Variants in ARSB observed in about 807,000 individuals in gnomAD.
ARSB encodes the protein arylsulfatase B.
ARSB carries 41 observed loss-of-function variants against 50.9 expected under a neutral mutation model. That is an observed-to-expected ratio of 0.81 (90% CI 0.63 to 1.04). The LOEUF is 1.04. Ranked by LOEUF, ARSB falls within the 50% of genes least tolerant of loss-of-function variation. The pLI is 0.00. For synonymous variants in ARSB, 269 were observed against 284.8 expected (o/e 0.94, Z 0.56); for missense variants, 672 against 693.3 (o/e 0.97, Z 0.35).
intron 6 of ARSB, among the ~76,000 whole-genome samples, chr5:78,785,855 A>G (rs920545751): frequency 6.6e-6 from 1 of 152,224 alleles, no homozygotes; most frequent in African/African-American, 2.4e-5. Flanking sequence ...ATGAGTTCAT[A>G]AATGCAAGGA....
rs1271212818 is a variant in ARSB, at chr5:78,985,013, C to T, written c.236G>A (p.Gly79Glu). 2 of 1,539,052 alleles carry T rather than the reference C, an allele frequency of 1.3e-6. No homozygotes were observed. The highest frequency in any genetic ancestry group is 1.4e-5 in the African/African-American group (1 of 70,124). Residue 79 changes from glycine (G) to glutamate (E), a missense_variant, in exon 1 of 8, where the codon GGG becomes GAG. Coordinates refer to ENST00000264914, the MANE Select transcript of ARSB (RefSeq NM_000046.5). ...TPHLDALAAGGVLLDNYYTQP... is the reference protein window; with the variant it reads ...TPHLDALAAGEVLLDNYYTQP... ...CGTGTAGTAGTTGTCCAGGAGCACCCCGCCGGCCGCCAGCGCGTCCAGGTG... is the reference window on the plus strand; with the variant it reads ...CGTGTAGTAGTTGTCCAGGAGCACCTCGCCGGCCGCCAGCGCGTCCAGGTG...
At chr5:78,828,800 C>T (rs986266625) in intron 6 of ARSB, among the ~76,000 whole-genome samples, 7 of 152,122 alleles carry the variant, frequency 4.6e-5, no homozygotes, top group East Asian at 3.9e-4. Context: ...TTAGGTTACA[C>T]GGCAAAGGGG....
At chr5:78,859,159 C>G (rs750755327) in intron 5 of ARSB, among the ~76,000 whole-genome samples, 2 of 152,020 alleles carry the variant, frequency 1.3e-5, no homozygotes, top group Non-Finnish European at 2.9e-5. Context: ...TCCTGAAAAG[C>G]CATTTCAACA....
At chr5:78,930,619 C>A (rs1750279602) in intron 4 of ARSB, among the ~76,000 whole-genome samples, 1 of 152,144 alleles carries the variant, frequency 6.6e-6, no homozygotes. Flanking sequence ...AATATTTTCT[C>A]ATTAAGAAAA....
Position 78,962,621 on chromosome 5 carries a change from G to A in ARSB, c.690+1795C>T, listed in dbSNP as rs139591626. On this transcript the variant is annotated intron_variant, in intron 3 of 7. Transcript: ENST00000264914. ...CGGCTCACTGCAAGCTCCGCCTCCC[G>A]GGTTCACGCCATTCTCCTGCCTCAA... Among the ~76,000 whole-genome samples the A allele has an allele frequency of 5.3e-4, 77 of 144,992 alleles. No homozygotes were observed. In the East Asian group the frequency reaches 0.012, roughly 22 times the overall value.
At chr5:78,915,320 A>T (rs1192375662) in intron 4 of ARSB, among the ~76,000 whole-genome samples, 1 of 151,732 alleles carries the variant, frequency 6.6e-6, no homozygotes, top group Non-Finnish European at 1.5e-5. Flanking sequence ...ATCAGTCATG[A>T]CCTTAGGACC....
chr5:78,853,668 C>T (rs1244861250), intron 5 of ARSB, among the ~76,000 whole-genome samples: 1 of 152,224 alleles, frequency 6.6e-6, no homozygotes, highest in Non-Finnish European at 1.5e-5. Context: ...AGAGGTGGAG[C>T]CTACAGAGGC....
chr5:78,834,084 T>C (rs1744818490), intron 6 of ARSB, among the ~76,000 whole-genome samples: 1 of 152,210 alleles, frequency 6.6e-6, no homozygotes, highest in African/African-American at 2.4e-5. Context: ...CATTAGCAGA[T>C]ATTTACTGAT....
chr5:78,918,972 T>C (rs1180833228), intron 4 of ARSB, among the ~76,000 whole-genome samples: 2 of 152,196 alleles, frequency 1.3e-5, no homozygotes, highest in East Asian at 3.8e-4. Flanking sequence ...AGTTGAGTAC[T>C]GGTAATAGAG....
upstream of ARSB, chr5:78,985,550 T>C (rs163127): frequency 0.96 from 211,249 of 221,072 alleles, 101,377 homozygotes; most frequent in Non-Finnish European, 0.99. Flanking sequence ...AAATTTGCAC[T>C]GTGGTTTCCT....
intron 5 of ARSB, among the ~76,000 whole-genome samples, chr5:78,853,989 A>T (rs558421489): frequency 6.6e-6 from 1 of 152,268 alleles, no homozygotes; most frequent in Non-Finnish European, 1.5e-5. Flanking sequence ...AGGAAAGGGA[A>T]CTCCCTGACC....
chr5:78,950,620 G>T (rs1223586363), intron 4 of ARSB, among the ~76,000 whole-genome samples: 2 of 152,146 alleles, frequency 1.3e-5, no homozygotes, highest in African/African-American at 4.8e-5. Context: ...GCCTGTCAAA[G>T]AATTAGAGTG....
chr5:78,880,782 T>C (rs1327423225), intron 5 of ARSB, among the ~76,000 whole-genome samples: 1 of 152,188 alleles, frequency 6.6e-6, no homozygotes, highest in Non-Finnish European at 1.5e-5. Flanking sequence ...ATAGGTAATA[T>C]CTAGATTTTT....
At chr5:78,831,102 T>C (rs1357687541) in intron 6 of ARSB, among the ~76,000 whole-genome samples, 1 of 152,128 alleles carries the variant, frequency 6.6e-6, no homozygotes, top group Admixed American at 6.5e-5. Context: ...CCTGCCCCAA[T>C]CGTAGCAGCC....
At chr5:78,945,311 G>A (rs911880885) in intron 4 of ARSB, among the ~76,000 whole-genome samples, 3 of 152,148 alleles carry the variant, frequency 2.0e-5, no homozygotes, top group African/African-American at 4.8e-5. Context: ...ACAATCCCCA[G>A]TGAGATGAAC....
At position 78,780,124 on chromosome 5, in the gene ARSB, A is replaced by C. The variant is rs1748880921; in HGVS notation, c.*273T>G. ...GGATTCAGTGAGAACTTCCTATTTC[A>C]AGTTAAGTTCCCAGCTGTCCCAAGG... On this transcript the variant is annotated 3_prime_UTR_variant, in exon 8 of 8. Transcript: ENST00000264914. 4 of 455,116 alleles carry C rather than the reference A, an allele frequency of 8.8e-6. No homozygotes were observed. The highest frequency in any genetic ancestry group is 1.6e-5 in the Non-Finnish European group (4 of 247,044). 28.2% of individuals were successfully genotyped at this position (455,116 alleles called of 1,614,324 possible).
At chr5:78,870,568 T>C (rs1352515916) in intron 5 of ARSB, among the ~76,000 whole-genome samples, 6 of 150,468 alleles carry the variant, frequency 4.0e-5, no homozygotes. Flanking sequence ...AAAAACCACA[T>C]GATTATCTCA....
chr5:78,841,350 A>G (rs1368126662), intron 5 of ARSB, among the ~76,000 whole-genome samples: 1 of 152,026 alleles, frequency 6.6e-6, no homozygotes, highest in East Asian at 1.9e-4. Flanking sequence ...AACAAATAAA[A>G]CCAAGCAAAC....
At chr5:78,834,860 A>G (rs1368453285) in intron 6 of ARSB, among the ~76,000 whole-genome samples, 1 of 151,864 alleles carries the variant, frequency 6.6e-6, no homozygotes, top group Admixed American at 6.6e-5. Flanking sequence ...TAATCACACA[A>G]TGTTATTGTC....
Sources: allele counts gnomAD v4.1 joint callset (sites outside exome capture counted in the v4.1 genomes callset), GRCh38; gene constraint gnomAD v4.1.1; transcripts MANE v1.5; gene names NCBI Gene and HGNC (gene_info 2026-07-23, HGNC 2026-07-21).